The following TMEM25 variants were observed in gnomAD, a reference collection of about 807,000 sequenced individuals.
The protein encoded by TMEM25 is 0610039J01Rik.
Under a neutral mutation model 37.0 loss-of-function variants are expected in TMEM25, and 36 were observed. That is an observed-to-expected ratio of 0.97 (90% CI 0.75 to 1.28). TMEM25 has a LOEUF of 1.28. TMEM25 is among the 50% of genes most tolerant of loss of function. The pLI is 0.00. For missense variants in TMEM25, 444 were observed against 477.9 expected (o/e 0.93, Z 0.66); for synonymous variants, 197 against 203.7 (o/e 0.97, Z 0.28).
rs1951447021 is a variant in TMEM25 at position 118,534,481 on chromosome 11, C to T, written c.1028-26C>T. On this transcript the variant is annotated intron_variant, in intron 8 of 8. Coordinates refer to ENST00000313236, the MANE Select transcript of TMEM25 (RefSeq NM_032780.4). The surrounding 1 kb of genome is among the most constrained non-coding windows in gnomAD (Gnocchi z 4.6). ...TTCCAAGGAACAAGCGTTACTGAGT[C>T]CCCGCGGGCTTCTTTGATCCCGCAG... The T allele has an allele frequency of 6.2e-7, 1 of 1,613,704 alleles. No individual in the cohort carries two copies. The highest frequency in any genetic ancestry group is 1.3e-5 in the African/African-American group (1 of 74,918).
At chr11:118,532,737 T>C (rs1951347664) in intron 3 of TMEM25, 180 bp from the exon 4 acceptor site, 3 of 915,738 alleles carry the variant, frequency 3.3e-6, no homozygotes, top group South Asian at 1.7e-5. Flanking sequence ...CATTTGGCTC[T>C]AGTATTTACA....
downstream of TMEM25, among the ~76,000 whole-genome samples, chr11:118,536,569 C>T (rs568456987): frequency 3.5e-4 from 54 of 152,336 alleles, no homozygotes; most frequent in African/African-American, 1.1e-3. Context: ...ACCCACCACT[C>T]AACTCTGACA....
At chr11:118,539,974 T>C (rs1250947375), downstream of TMEM25, among the ~76,000 whole-genome samples, 3 of 138,320 alleles carry the variant, frequency 2.2e-5, no homozygotes, top group African/African-American at 8.3e-5. Context: ...TGAGCCGATA[T>C]CATGCCACTG....
At chr11:118,544,528 CA>C (rs141881724) in intron 8 of TMEM25, 2,297 of 178,524 alleles carry the variant, frequency 0.013, 63 homozygotes, top group African/African-American at 0.052. Context: ...AATAATCTGA[CA>C]ATATAATAGA....
rs201031896 is a variant in TMEM25, at chr11:118,534,525, T to C, written c.1046T>C (p.Val349Ala). The change falls in exon 9 of 9, where the codon GTG becomes GCG. Residue 349 changes from valine (V) to alanine (A), a missense_variant. Transcript: ENST00000313236. The surrounding 1 kb of genome is among the most constrained non-coding windows in gnomAD (Gnocchi z 4.6). The stretch of plus-strand genomic sequence containing the variant: ...CCCGCAGGTTTCATCCGCCTCCCAG[T>C]GCTGGGCTATATCTATCGAGTGTCC... The part of the protein sequence containing the change: ...LTSQGFIRLP[V>A]LGYIYRVSSV... 6.8e-6 allele frequency: 11 copies of C among 1,614,210 alleles called. No homozygotes were observed. In the East Asian group the frequency reaches 2.0e-4, roughly 29 times the overall value.
chr11:118,546,208 C>A, exon 9 of TMEM25: 1 of 716,944 alleles, frequency 1.4e-6, no homozygotes, highest in South Asian at 1.5e-5. Context: ...CAGAAGAAAT[C>A]AATCTTGGTG....
Position 118,531,864 on chromosome 11 carries a change from G to C in TMEM25, c.63G>C (p.Leu21=). The C allele has an allele frequency of 6.4e-7, 1 of 1,551,662 alleles. No individual in the cohort carries two copies. Residue 21 remains leucine, a synonymous_variant, in exon 2 of 9, where the codon CTG becomes CTC. Transcript: ENST00000313236. ...CACTGCTGCTCCTGCCAGCCCTTCT[G>C]AGCTCAGGTACACCCCTGTTCAGTC... ...RHTLLLLPAL[L]SSGWGELEPQ...
chr11:118,545,093 T>C, intron 8 of TMEM25: 1 of 1,059,686 alleles, frequency 9.4e-7, no homozygotes, highest in Non-Finnish European at 1.4e-6. Context: ...TTCTTTAAAA[T>C]GAACCCCCTT....
rs1379939409 is a variant in TMEM25 at position 118,533,786 on chromosome 11, T to C, written c.806-71T>C. On this transcript the variant is annotated intron_variant, in intron 5 of 8. Coordinates refer to ENST00000313236, the MANE Select transcript of TMEM25 (RefSeq NM_032780.4). ...AGACCCCTTGCCTGAGGGTCCTGGG[T>C]CTGAAAGGGTAGGACAGCCCAGCGT... 3 of 1,610,572 alleles carry C rather than the reference T, an allele frequency of 1.9e-6. No homozygotes were observed. In the African/African-American group the frequency reaches 4.0e-5, roughly 22 times the overall value.
chr11:118,546,857 A>G (rs1439441552), downstream of TMEM25: 1 of 152,234 alleles, frequency 6.6e-6, no homozygotes, highest in East Asian at 1.9e-4. Context: ...TGGGCATGAC[A>G]TCTAACTCAG....
downstream of TMEM25, among the ~76,000 whole-genome samples, chr11:118,537,918 G>C (rs377410909): frequency 6.6e-6 from 1 of 151,968 alleles, no homozygotes; most frequent in Non-Finnish European, 1.5e-5. Context: ...GGGCGTGGTG[G>C]TGTGTACCTG....
Position 118,534,889 on chromosome 11 carries a change from G to A in TMEM25, c.*309G>A, listed in dbSNP as rs1405051180. The A allele has an allele frequency of 7.2e-6, 9 of 1,247,040 alleles. No individual in the cohort carries two copies. In the African/African-American group the frequency reaches 1.4e-4, roughly 19 times the overall value. 77.2% of individuals were successfully genotyped at this position (1,247,040 alleles called of 1,614,324 possible). A position where few individuals can be genotyped will look rare whatever the true frequency, so the allele number is the denominator to read the frequency against. On this transcript the variant is annotated 3_prime_UTR_variant, in exon 9 of 9. Coordinates refer to ENST00000313236, the MANE Select transcript of TMEM25 (RefSeq NM_032780.4). This position sits in a 1 kb window ranked among gnomAD's most constrained non-coding sequence, Gnocchi z 4.6. ...GCTCTTTGGCCAGGGGTGTTCAGATGTCATCCAGCATCCAAGTGTGGCATG... is the reference window on the plus strand; with the variant it reads ...GCTCTTTGGCCAGGGGTGTTCAGATATCATCCAGCATCCAAGTGTGGCATG...
In TMEM25 at chr11:118,541,368, A is replaced by G. The variant is rs182984609; in HGVS notation, c.1028-4751A>G. On this transcript the variant is annotated intron_variant, in intron 8 of 8. Transcript: ENST00000354284. ...TCCTAACTACTCGGGAGGCTGAGGC[A>G]GGAGAATGGCTTGAACCTGGGAGGC... Among the ~76,000 whole-genome samples, 6 of 151,418 alleles carry G rather than the reference A, an allele frequency of 4.0e-5. No individual in the cohort carries two copies. In the East Asian group the frequency reaches 1.2e-3, roughly 30 times the overall value.
intron 2 of TMEM25, 107 bp from the exon 3 acceptor site, chr11:118,532,043 G>T: frequency 1.4e-6 from 2 of 1,390,152 alleles, no homozygotes; most frequent in Non-Finnish European, 1.9e-6. Context: ...GAGGACTCAG[G>T]TGCCCTTTCC....
Position 118,531,853 on chromosome 11 carries a change from C to T in TMEM25, c.52C>T (p.Pro18Ser). 6.4e-7 allele frequency: 1 copy of T among 1,551,602 alleles called. No homozygotes were observed. The highest frequency in any genetic ancestry group is 8.7e-7 in the Non-Finnish European group (1 of 1,147,014). ...AALRHTLLLL[P>S]ALLSSGWGEL... The stretch of plus-strand genomic sequence containing the variant: ...CCTCCGGCACACACTGCTGCTCCTG[C>T]CAGCCCTTCTGAGCTCAGGTACACC... Residue 18 changes from proline to serine, a missense_variant, in exon 2 of 9, where the codon CCA (proline) becomes TCA (serine). Pro to Ser is a moderately conservative substitution (Grantham distance 74). Transcript: ENST00000313236.
downstream of TMEM25, among the ~76,000 whole-genome samples, chr11:118,536,955 G>C (rs1385060217): frequency 6.6e-6 from 1 of 152,142 alleles, no homozygotes; most frequent in African/African-American, 2.4e-5. Flanking sequence ...GCTCACTGCA[G>C]CCTTGAACTC....
Position 118,531,794 on chromosome 11 carries a change from G to A in TMEM25, c.-8G>A, listed in dbSNP as rs980597178. The A allele has an allele frequency of 1.9e-6, 3 of 1,549,898 alleles. No individual in the cohort carries two copies. The highest frequency in any genetic ancestry group is 2.4e-5 in the South Asian group (2 of 83,982). On this transcript the variant is annotated 5_prime_UTR_variant, in exon 2 of 9. Transcript: ENST00000313236. ...TCTCAGCAGCCTAGGGCCTAGGCCCGGGCCACCATGGCGCTGCCTCCAGGC... is the reference window on the plus strand; with the variant it reads ...TCTCAGCAGCCTAGGGCCTAGGCCCAGGCCACCATGGCGCTGCCTCCAGGC...
At chr11:118,545,853 C>T in intron 8 of TMEM25, 2 of 1,614,104 alleles carry the variant, frequency 1.2e-6, no homozygotes, top group Non-Finnish European at 1.7e-6. Flanking sequence ...GGCAGGCTTA[C>T]CTGGAAGGGG....
At chr11:118,546,120 A>T (rs1229049585) in exon 9 of TMEM25, 5 of 718,440 alleles carry the variant, frequency 7.0e-6, no homozygotes, top group Non-Finnish European at 1.3e-5. Context: ...TCCTTATAGG[A>T]AGAAGAAATC....
Sources: gnomAD v4.1 joint callset for allele counts (sites outside exome capture counted in the v4.1 genomes callset) on GRCh38, gnomAD v4.1.1 for gene constraint, Gnocchi (gnomAD v3.1) non-coding constraint, MANE v1.5 for transcripts, NCBI Gene and HGNC (gene_info 2026-07-23, HGNC 2026-07-21) for gene names.